Variants in PPDPFL observed in about 807,000 individuals in gnomAD.
The protein encoded by PPDPFL is pancreatic progenitor cell differentiation and proliferation factor-like protein.
Under a neutral mutation model 12.6 loss-of-function variants are expected in PPDPFL, and 12 were observed. The ratio of observed to expected loss-of-function variants is 0.95; its 90% CI spans 0.61 to 1.54. The LOEUF (loss-of-function observed/expected upper bound fraction) is 1.54, where lower values mean the gene tolerates loss of function less well. PPDPFL is among the 40% of genes most tolerant of loss of function. PPDPFL has a pLI of 0.00. For missense variants in PPDPFL, 114 were observed against 96.0 expected (o/e 1.19, Z -0.78); for synonymous variants, 24 against 32.7 (o/e 0.73, Z 0.91).
chr8:49,059,655 G>A (rs537383465), intron 1 of PPDPFL, among the ~76,000 whole-genome samples: 99 of 152,292 alleles, frequency 6.5e-4, no homozygotes, highest in African/African-American at 2.3e-3. Context: ...GAGTGTATAT[G>A]CGTGAATATA....
intron 1 of PPDPFL, among the ~76,000 whole-genome samples, chr8:49,065,766 A>C (rs1332976031): frequency 1.3e-5 from 2 of 152,332 alleles, no homozygotes; most frequent in East Asian, 1.9e-4. Context: ...GATCAAGAAC[A>C]ATAAAACATT....
intron 1 of PPDPFL, among the ~76,000 whole-genome samples, chr8:49,062,632 A>G (rs1808229679): frequency 1.3e-5 from 2 of 152,150 alleles, no homozygotes; most frequent in African/African-American, 4.8e-5. Flanking sequence ...TCCCCCAAGA[A>G]GGGTCAGGCA....
upstream of PPDPFL, among the ~76,000 whole-genome samples, chr8:49,070,591 T>C (rs1481672203): frequency 1.3e-5 from 2 of 152,126 alleles, no homozygotes; most frequent in African/African-American, 4.8e-5. Flanking sequence ...AATATTTCTT[T>C]GAAAAAATTG....
intron 1 of PPDPFL, among the ~76,000 whole-genome samples, chr8:49,062,607 A>G (rs147983636): frequency 1.8e-4 from 28 of 152,292 alleles, no homozygotes; most frequent in Non-Finnish European, 2.9e-4. Flanking sequence ...CCTACTTACA[A>G]TGGGAATGAC....
At chr8:49,059,326 A>G (rs946572072) in intron 1 of PPDPFL, among the ~76,000 whole-genome samples, 10 of 152,176 alleles carry the variant, frequency 6.6e-5, no homozygotes, top group African/African-American at 2.4e-4. Flanking sequence ...GGATAACGCT[A>G]TAGTGATCTT....
At chr8:49,066,255 A>G (rs1808298615) in intron 1 of PPDPFL, among the ~76,000 whole-genome samples, 1 of 152,210 alleles carries the variant, frequency 6.6e-6, no homozygotes, top group African/African-American at 2.4e-5. Flanking sequence ...TTTTGCTACA[A>G]GGATACATAT....
At chr8:49,073,365 T>C (rs1212403682) in intron 2 of PPDPFL, among the ~76,000 whole-genome samples, 1 of 152,144 alleles carries the variant, frequency 6.6e-6, no homozygotes, top group Admixed American at 6.5e-5. Context: ...AAATAGAAAA[T>C]TGTAGCTTCT....
intron 4 of PPDPFL, chr8:49,074,745 A>G (rs1808461180): frequency 2.1e-6 from 3 of 1,444,398 alleles, no homozygotes; most frequent in Non-Finnish European, 2.7e-6. Flanking sequence ...GGTGCAAATT[A>G]CTAGACAGGT....
At chr8:49,061,481 G>C (rs1421225658) in intron 1 of PPDPFL, among the ~76,000 whole-genome samples, 1 of 152,180 alleles carries the variant, frequency 6.6e-6, no homozygotes, top group African/African-American at 2.4e-5. Flanking sequence ...AACACACGGG[G>C]CAATTGTCCA....
rs560863805 is a variant in PPDPFL, at chr8:49,075,156, C to T, written c.238C>T (p.Gln80Ter). 4 of 1,613,156 alleles carry T rather than the reference C, an allele frequency of 2.5e-6. No individual in the cohort carries two copies. Among genetic ancestry groups the T allele is most frequent in the Non-Finnish European group, 3.4e-6 (4 of 1,179,270 alleles). ...RIKDLSATGL[Q>*]MSTL The stretch of plus-strand genomic sequence containing the variant: ...ACTACTATAAAATCAACCCAGATTA[C>T]AGATGAGCACTTTGTAGCTGATCAT... The change falls in exon 5 of 5, where the codon CAG becomes TAG. Residue 80 changes from glutamine (Q) to a stop codon, truncating the protein, a stop_gained. Coordinates refer to ENST00000522267, the MANE Select transcript of PPDPFL (RefSeq NM_001256597.2). LOFTEE classifies it high-confidence loss of function.
In PPDPFL at chr8:49,075,579, T is replaced by G; in HGVS notation, c.*406T>G. On this transcript the variant is annotated 3_prime_UTR_variant, in exon 5 of 5. Transcript: ENST00000522267. ...CTTTCATTTTTTATATCATTTTTAT[T>G]AAAAAAACTTAAGTTAGACTCTTTT... is the stretch of plus-strand genomic sequence containing the variant. The G allele has an allele frequency of 3.1e-6, 1 of 320,644 alleles. No individual in the cohort carries two copies. Among genetic ancestry groups the G allele is most frequent in the Non-Finnish European group, 5.8e-6 (1 of 173,350 alleles). The allele number at this position is 320,644 out of a possible 1,614,324, so 19.9% of individuals were successfully genotyped here.
At chr8:49,074,571 T>A in intron 4 of PPDPFL, 1 of 1,536,280 alleles carries the variant, frequency 6.5e-7, no homozygotes, top group Non-Finnish European at 8.7e-7. Context: ...GGTGGAGAAG[T>A]CATATGCCAA....
intron 1 of PPDPFL, among the ~76,000 whole-genome samples, chr8:49,061,475 C>G (rs926661665): frequency 2.6e-5 from 4 of 152,178 alleles, no homozygotes; most frequent in African/African-American, 9.7e-5. Context: ...CAAATGAACA[C>G]ACGGGGCAAT....
chr8:49,056,373 T>C (rs913090567), intron 1 of PPDPFL, among the ~76,000 whole-genome samples: 1 of 152,202 alleles, frequency 6.6e-6, no homozygotes, highest in African/African-American at 2.4e-5. Flanking sequence ...TCCTCAGAGA[T>C]GCTGTTTCTT....
At position 49,075,562 on chromosome 8, in the gene PPDPFL, T is replaced by A. The variant is rs7009886; in HGVS notation, c.*389T>A. 209,294 of 379,068 alleles carry A rather than the reference T, an allele frequency of 0.55. 60,209 individuals carry two copies. Among genetic ancestry groups the A allele is most frequent in the East Asian group, 0.86 (19,637 of 22,798 alleles). 23.5% of individuals were successfully genotyped at this position (379,068 alleles called of 1,614,324 possible). ...ACTTACATAAAGTAGCTCTTTCATT[T>A]TTTATATCATTTTTATTAAAAAAAC... On this transcript the variant is annotated 3_prime_UTR_variant, in exon 5 of 5. Transcript: ENST00000522267.
intron 4 of PPDPFL, 127 bp from the exon 5 acceptor site, chr8:49,075,025 C>A: frequency 7.0e-7 from 1 of 1,437,090 alleles, no homozygotes; most frequent in South Asian, 1.3e-5. Flanking sequence ...TTTTAAAAGC[C>A]AATGCAAGAT....
upstream of PPDPFL, among the ~76,000 whole-genome samples, chr8:49,068,542 G>A (rs1808333965): frequency 6.6e-6 from 1 of 152,168 alleles, no homozygotes; most frequent in African/African-American, 2.4e-5. Flanking sequence ...CAGTAATCAT[G>A]TTAAAGAAGG....
In PPDPFL at chr8:49,064,313, C is replaced by T. The variant is rs566047379; in HGVS notation, c.-44-8474C>T. Among the ~76,000 whole-genome samples the T allele has an allele frequency of 5.3e-5, 8 of 152,280 alleles. No homozygotes were observed. In the South Asian group the frequency reaches 1.7e-3, roughly 32 times the overall value. On this transcript the variant is annotated intron_variant, in intron 1 of 4. Transcript: ENST00000517663. ...TCGGTCCTCTGGGTAAACCATTTGT[C>T]TCAGAAGAGGTGCTGGTCAGGAAAC...
chr8:49,074,165 C>A (rs757606081), intron 3 of PPDPFL, 29 bp downstream of exon 3: 4 of 1,601,060 alleles, frequency 2.5e-6, no homozygotes, highest in Non-Finnish European at 3.4e-6. Context: ...CAGTGTCATC[C>A]TTATTATTTC....
Sources: allele counts gnomAD v4.1 joint callset (sites outside exome capture counted in the v4.1 genomes callset), GRCh38; gene constraint gnomAD v4.1.1; transcripts MANE v1.5; gene names NCBI Gene and HGNC (gene_info 2026-07-23, HGNC 2026-07-21).